Variants in LRP1 observed in about 807,000 individuals in gnomAD.
LRP1 encodes the protein prolow-density lipoprotein receptor-related protein 1.
In LRP1, 51 loss-of-function variants were observed where a neutral mutation model predicts 541.5. The ratio of observed to expected loss-of-function variants is 0.09; its 90% CI spans 0.08 to 0.12. The LOEUF (loss-of-function observed/expected upper bound fraction) is 0.12. Among genes scored for constraint, LRP1 ranks in the 10% least tolerant of loss-of-function variants. LRP1 has a pLI of 1.00. For synonymous variants in LRP1, 2,219 were observed against 2,470.8 expected (o/e 0.90, Z 3.02); for missense variants, 3,878 against 6,376.2 (o/e 0.61, Z 13.34).
intron 1 of LRP1, among the ~76,000 whole-genome samples, chr12:57,135,936 G>A (rs944895069): frequency 6.6e-6 from 1 of 152,288 alleles, no homozygotes; most frequent in African/African-American, 2.4e-5. Flanking sequence ...TCAGGCCGTG[G>A]CTGTGCGCTC....
chr12:57,205,524 T>C lies in LRP1; in HGVS notation c.11471-34T>C, dbSNP rs756358123. 2.5e-6 allele frequency: 4 copies of C among 1,613,486 alleles called. No individual in the cohort carries two copies. Among genetic ancestry groups the C allele is most frequent in the Non-Finnish European group, 3.4e-6 (4 of 1,179,696 alleles). On this transcript the variant is annotated intron_variant, in intron 74 of 88. Coordinates refer to ENST00000243077, the MANE Select transcript of LRP1 (RefSeq NM_002332.3). The surrounding 1 kb of genome is among the most constrained non-coding windows in gnomAD (Gnocchi z 4.6). ...GCAGAGCAGGGGTGGACACCCCAACTGTGGACTCTCATGACCCTCCCTGTA... is the reference window on the plus strand; with the variant it reads ...GCAGAGCAGGGGTGGACACCCCAACCGTGGACTCTCATGACCCTCCCTGTA...
intron 22 of LRP1, 32 bp downstream of exon 22, chr12:57,174,012 G>T: frequency 6.2e-7 from 1 of 1,605,836 alleles, no homozygotes; most frequent in Non-Finnish European, 8.5e-7. Flanking sequence ...AGGGTAGGGA[G>T]GGTGGCTGGG....
At chr12:57,146,168 C>T (rs567916545) in intron 6 of LRP1, among the ~76,000 whole-genome samples, 4 of 152,004 alleles carry the variant, frequency 2.6e-5, no homozygotes, top group Non-Finnish European at 5.9e-5. Context: ...TGGGTGTAGA[C>T]CCACTGCCGG....
chr12:57,196,596 C>T (rs1252289605), intron 55 of LRP1, among the ~76,000 whole-genome samples: 1 of 152,090 alleles, frequency 6.6e-6, no homozygotes, highest in Non-Finnish European at 1.5e-5. Context: ...CTATTTGAAT[C>T]TGTGAGCCTG....
intron 34 of LRP1, among the ~76,000 whole-genome samples, chr12:57,182,913 G>A (rs1045460147): frequency 1.7e-4 from 26 of 152,364 alleles, no homozygotes; most frequent in African/African-American, 6.0e-4. Context: ...AGGGGGTTGA[G>A]TTTTTGATGT....
intron 22 of LRP1, among the ~76,000 whole-genome samples, chr12:57,174,572 T>G (rs576936973): frequency 2.0e-4 from 31 of 152,258 alleles, no homozygotes; most frequent in Non-Finnish European, 4.0e-4. Context: ...CTCAGGAATT[T>G]GAGATCAGCC....
At chr12:57,167,315 G>A (rs2035859124) in intron 18 of LRP1, 129 bp from the exon 19 acceptor site, 7 of 730,954 alleles carry the variant, frequency 9.6e-6, no homozygotes, top group African/African-American at 1.7e-5. Context: ...ACTGCTGCGG[G>A]GCCTTCCCCA....
intron 76 of LRP1, among the ~76,000 whole-genome samples, chr12:57,207,320 AAT>A (rs1491062712): frequency 4.8e-5 from 5 of 104,756 alleles, no homozygotes; most frequent in African/African-American, 2.7e-4. Context: ...TAAATAAATA[AAT>A]AAAATAAAAT....
At position 57,203,176 on chromosome 12, in the gene LRP1, C is replaced by G; in HGVS notation, c.10712-5C>G. ...CCTGGGCCTGTCTCCCCCTGTCCTT[C>G]CCAGCCCCTCGGCCCTGCTCCGAGA... On this transcript the variant is annotated splice_polypyrimidine_tract_variant and splice_region_variant and intron_variant, in intron 68 of 88. Coordinates refer to ENST00000243077, the MANE Select transcript of LRP1 (RefSeq NM_002332.3). 1 of 1,571,884 alleles carries G rather than the reference C, an allele frequency of 6.4e-7. No homozygotes were observed. Among genetic ancestry groups the G allele is most frequent in the South Asian group, 1.2e-5 (1 of 85,496 alleles).
Position 57,165,814 on chromosome 12 carries a change from C to T in LRP1, c.2540C>T (p.Ser847Phe), listed in dbSNP as rs749676594. The change falls in exon 16 of 89, where the codon TCC becomes TTC. Residue 847 changes from serine (S) to phenylalanine (F), a missense_variant. Ser to Phe is a radical substitution (Grantham distance 155). Transcript: ENST00000243077. This position sits in a 1 kb window ranked among gnomAD's most constrained non-coding sequence, Gnocchi z 4.5. ...CCTGTGGTGCCCACAGCGAACCCATCCTACGTGCCTCCACCCCAGTGCCAG... is the reference window on the plus strand; with the variant it reads ...CCTGTGGTGCCCACAGCGAACCCATTCTACGTGCCTCCACCCCAGTGCCAG... Reference protein sequence around the residue: ...ADGVTCLANPSYVPPPQCQPG... With the variant: ...ADGVTCLANPFYVPPPQCQPG... The T allele has an allele frequency of 6.2e-7, 1 of 1,614,214 alleles. No individual in the cohort carries two copies. The highest frequency in any genetic ancestry group is 1.7e-5 in the Admixed American group (1 of 60,034).
chr12:57,174,453 A>G (rs945698875), intron 22 of LRP1, among the ~76,000 whole-genome samples: 2 of 152,138 alleles, frequency 1.3e-5, no homozygotes, highest in Admixed American at 1.3e-4. Flanking sequence ...TGGGGTTCCC[A>G]AGGACAGGCA....
intron 61 of LRP1, among the ~76,000 whole-genome samples, 172 bp downstream of exon 61, chr12:57,199,572 C>T (rs1399322383): frequency 6.6e-6 from 1 of 152,326 alleles, no homozygotes; most frequent in Admixed American, 6.5e-5. Context: ...TCAGCCCGGC[C>T]TGGATCCAGC....
At position 57,128,834 on chromosome 12, in the gene LRP1, G is replaced by C. The variant is rs987119537; in HGVS notation, c.-131G>C. On this transcript the variant is annotated 5_prime_UTR_variant, in exon 1 of 89. Transcript: ENST00000243077. ...ACCCACGCCCCTGGTGCGCTTTGCC[G>C]AAGGAAAGAATAAGAACAGAGAAGG... is the stretch of plus-strand genomic sequence containing the variant. The C allele has an allele frequency of 1.3e-6, 1 of 786,708 alleles. No homozygotes were observed. Among genetic ancestry groups the C allele is most frequent in the African/African-American group, 1.7e-5 (1 of 57,262 alleles). The allele number at this position is 786,708 out of a possible 1,614,324, so 48.7% of individuals were successfully genotyped here.
Position 57,162,934 on chromosome 12 carries a change from C to T in LRP1, c.2481C>T (p.Cys827=), listed in dbSNP as rs767086539. The T allele has an allele frequency of 9.9e-6, 16 of 1,608,080 alleles. No individual in the cohort carries two copies. Among genetic ancestry groups the T allele is most frequent in the East Asian group, 4.5e-5 (2 of 44,796 alleles). The part of the protein sequence containing the change: ...LCLATPGSRQ[C]ACAEDQVLDA... The stretch of plus-strand genomic sequence containing the variant: ...TGGCCACCCCTGGGAGCCGCCAGTG[C>T]GCCTGTGCTGAGGACCAGGTGTTGG... The change falls in exon 15 of 89, where the codon TGC becomes TGT. Residue 827 remains cysteine (C), a synonymous_variant. Coordinates refer to ENST00000243077, the MANE Select transcript of LRP1 (RefSeq NM_002332.3). This position sits in a 1 kb window ranked among gnomAD's most constrained non-coding sequence, Gnocchi z 5.2.
rs868577215 is a variant in LRP1, at chr12:57,193,961, C to T, written c.7867C>T (p.Arg2623Cys). Residue 2623 changes from arginine (R) to cysteine (C), a missense_variant, in exon 48 of 89, where the codon CGC becomes TGC. By Grantham distance (180) the Arg-to-Cys change is radical. This residue lies in a region of LRP1 where 1,100 missense variants were observed against 1,827.4 expected (regional missense o/e 0.60). Transcript: ENST00000243077. ...RDGTCIGNSS[R>C]CNQFVDCEDA... ...CGGGACCTGCATCGGGAACTCCAGC[C>T]GCTGCAACCAGTTTGTGGATTGTGA... is the stretch of plus-strand genomic sequence containing the variant. The T allele has an allele frequency of 1.9e-6, 3 of 1,614,200 alleles. No homozygotes were observed. Among genetic ancestry groups the T allele is most frequent in the Admixed American group, 1.7e-5 (1 of 60,024 alleles).
intron 78 of LRP1, 54 bp downstream of exon 78, chr12:57,208,871 A>G: frequency 7.0e-7 from 1 of 1,425,840 alleles, no homozygotes; most frequent in Non-Finnish European, 9.9e-7. Flanking sequence ...CGGCTCGCAG[A>G]GCCCAGCTGC....
chr12:57,136,130 G>C (rs1592599414), intron 1 of LRP1, among the ~76,000 whole-genome samples: 1 of 152,360 alleles, frequency 6.6e-6, no homozygotes, highest in African/African-American at 2.4e-5. Context: ...CTGGCGGGCT[G>C]TGTTTCCCGG....
At position 57,212,342 on chromosome 12, in the gene LRP1, G is replaced by C. The variant is rs2036936448; in HGVS notation, c.13495-73G>C. 1 of 1,613,408 alleles carries C rather than the reference G, an allele frequency of 6.2e-7. No individual in the cohort carries two copies. The highest frequency in any genetic ancestry group is 1.3e-5 in the African/African-American group (1 of 74,896). ...AAGGTGTTGGGTTAGGTGAGGGACG[G>C]AGGTGGGGGTGGGGTAACCTGGGCT... is the stretch of plus-strand genomic sequence containing the variant. On this transcript the variant is annotated intron_variant, in intron 88 of 88. Transcript: ENST00000243077. This position sits in a 1 kb window ranked among gnomAD's most constrained non-coding sequence, Gnocchi z 5.0.
chr12:57,186,704 G>A (rs1000582964), intron 41 of LRP1, among the ~76,000 whole-genome samples: 4 of 152,186 alleles, frequency 2.6e-5, no homozygotes, highest in Non-Finnish European at 5.9e-5. Flanking sequence ...CCAGACCCCT[G>A]GAAGGGATGT....
Sources: gnomAD v4.1 joint callset for allele counts (sites outside exome capture counted in the v4.1 genomes callset) on GRCh38, gnomAD v4.1.1 for gene constraint, gnomAD v4.1.1 regional missense constraint, Gnocchi (gnomAD v3.1) non-coding constraint, MANE v1.5 for transcripts, NCBI Gene and HGNC (gene_info 2026-07-23, HGNC 2026-07-21) for gene names.